CDH4: variants seen among roughly 807,000 people sequenced by gnomAD.
CDH4 encodes cadherin-4.
A neutral mutation model predicts 86.0 loss-of-function variants in CDH4; 33 were observed. The observed-to-expected ratio is 0.38, with a 90% CI of 0.29 to 0.51. The LOEUF (loss-of-function observed/expected upper bound fraction) is 0.51, where lower values mean the gene tolerates loss of function less well. CDH4 is among the 20% of genes least tolerant of loss of function. The pLI, the probability that CDH4 is intolerant of heterozygous loss-of-function variation, is 0.86. For synonymous variants in CDH4, 555 were observed against 549.4 expected, an observed-to-expected ratio of 1.01 and a Z score of -0.14; for missense variants, 1,114 against 1,307.4, an observed-to-expected ratio of 0.85 and a Z score of 2.28.
At chr20:61,890,884 G>A (rs1984790214) in intron 7 of CDH4, among the ~76,000 whole-genome samples, 1 of 152,152 alleles carries the variant, frequency 6.6e-6, no homozygotes, top group Non-Finnish European at 1.5e-5. Flanking sequence ...CACAAAGCTG[G>A]ACAAGACTCA....
chr20:61,822,850 C>T (rs1365638887), intron 4 of CDH4, among the ~76,000 whole-genome samples: 1 of 152,208 alleles, frequency 6.6e-6, no homozygotes, highest in Non-Finnish European at 1.5e-5. Context: ...ACAGGGCATG[C>T]CTTCCTCCCG....
chr20:61,259,476 A>G (rs570344949), intron 2 of CDH4, among the ~76,000 whole-genome samples: 4 of 152,354 alleles, frequency 2.6e-5, no homozygotes, highest in Non-Finnish European at 4.4e-5. Context: ...GTGGCTGTGA[A>G]GTCAGTATTA....
rs1006927781 is a variant in CDH4, at chr20:61,852,500, C to T, written c.733-254C>T. Among the ~76,000 whole-genome samples the T allele has an allele frequency of 1.4e-4, 21 of 152,336 alleles. 1 individual carries two copies. The highest frequency in any genetic ancestry group is 1.2e-3 in the Admixed American group (18 of 15,308). Reference sequence around the variant, plus strand: ...AGGTCCTGGGTGGGCCTGGGCCTGACCATGGGGTGTTGGGGGGTTATGCTG... The same window carrying T: ...AGGTCCTGGGTGGGCCTGGGCCTGATCATGGGGTGTTGGGGGGTTATGCTG... On this transcript the variant is annotated intron_variant, in intron 5 of 15. Transcript: ENST00000614565.
chr20:61,780,621 A>G (rs1210074570), intron 4 of CDH4, among the ~76,000 whole-genome samples: 1 of 152,226 alleles, frequency 6.6e-6, no homozygotes, highest in African/African-American at 2.4e-5. Context: ...AAGGTCTTTT[A>G]GTAATGGTGG....
At chr20:61,743,897 C>A (rs887419112) in intron 3 of CDH4, 108 bp downstream of exon 3, 4 of 827,984 alleles carry the variant, frequency 4.8e-6, no homozygotes, top group Admixed American at 4.2e-5. Context: ...ACAGTCACCT[C>A]CTCCTCGGGC....
intron 2 of CDH4, among the ~76,000 whole-genome samples, chr20:61,300,526 C>T (rs1016261465): frequency 2.0e-5 from 3 of 152,160 alleles, no homozygotes; most frequent in Admixed American, 2.0e-4. Context: ...CCTTGCTCAT[C>T]CCCCGTCTGC....
intron 2 of CDH4, among the ~76,000 whole-genome samples, chr20:61,502,990 A>T (rs947968271): frequency 1.2e-4 from 19 of 152,222 alleles, no homozygotes; most frequent in Admixed American, 2.6e-4. Context: ...GATTATGCCT[A>T]AATGAATATT....
At chr20:61,324,871 CT>C (rs1451743821) in intron 2 of CDH4, among the ~76,000 whole-genome samples, 2 of 152,156 alleles carry the variant, frequency 1.3e-5, no homozygotes, top group Admixed American at 6.5e-5. Context: ...CCCAGGAGAG[CT>C]TTGGGACATG....
At chr20:61,570,582 C>A in intron 2 of CDH4, 1 of 689,818 alleles carries the variant, frequency 1.4e-6, no homozygotes, top group Non-Finnish European at 2.7e-6. Flanking sequence ...TTCCTTTACC[C>A]CATTGCTCTG....
chr20:61,817,579 C>A (rs1601018966), intron 4 of CDH4, among the ~76,000 whole-genome samples: 1 of 152,032 alleles, frequency 6.6e-6, no homozygotes, highest in African/African-American at 2.4e-5. Flanking sequence ...TCCTCCTGGG[C>A]TGCCTGTCCT....
intron 2 of CDH4, among the ~76,000 whole-genome samples, chr20:61,405,915 C>T (rs1240253959): frequency 2.6e-5 from 4 of 152,164 alleles, no homozygotes; most frequent in Non-Finnish European, 4.4e-5. Context: ...CTCCTGACCT[C>T]ATGATCCATC....
At position 61,285,072 on chromosome 20, in the gene CDH4, G is replaced by GTTT. The variant is rs776837492; in HGVS notation, c.169+30145_169+30147dup. Among the ~76,000 whole-genome samples, 953 of 150,604 alleles carry GTTT rather than the reference G, an allele frequency of 6.3e-3. 11 individuals are homozygous for GTTT. Among genetic ancestry groups the GTTT allele is most frequent in the Admixed American group, 0.01 (156 of 15,156 alleles). ...CTCTCTGCTCAGCCCAGCCTTTCCT[G>GTTT]TTTTTTTTTTTTGTTTGTTTGTTTG... On this transcript the variant is annotated intron_variant, in intron 2 of 15. Coordinates refer to ENST00000614565, the MANE Select transcript of CDH4 (RefSeq NM_001794.5).
At chr20:61,904,555 A>C (rs80071039) in intron 8 of CDH4, among the ~76,000 whole-genome samples, 5,386 of 152,194 alleles carry the variant, frequency 0.035, 291 homozygotes, top group African/African-American at 0.12. Context: ...TCCACCCCTT[A>C]GCCCTGGTCA....
chr20:61,408,503 A>G (rs900510055), intron 2 of CDH4, among the ~76,000 whole-genome samples: 3 of 152,182 alleles, frequency 2.0e-5, no homozygotes, highest in Non-Finnish European at 4.4e-5. Context: ...ACACTTGGGC[A>G]CAAATCTAAA....
intron 4 of CDH4, among the ~76,000 whole-genome samples, chr20:61,800,391 C>T (rs1279250167): frequency 6.6e-6 from 1 of 152,214 alleles, no homozygotes; most frequent in African/African-American, 2.4e-5. Context: ...CCATGCCCGC[C>T]GCAGGGCTGA....
At chr20:61,433,710 C>T (rs2085263260) in intron 2 of CDH4, among the ~76,000 whole-genome samples, 1 of 152,172 alleles carries the variant, frequency 6.6e-6, no homozygotes. Flanking sequence ...CCCAGGCTCC[C>T]GTCGGTCCCT....
chr20:61,657,966 T>A (rs550540640), intron 2 of CDH4, among the ~76,000 whole-genome samples: 4 of 152,310 alleles, frequency 2.6e-5, no homozygotes, highest in Non-Finnish European at 4.4e-5. Context: ...TGTCTTGTGG[T>A]TCTGCTTTAT....
chr20:61,881,968 G>A (rs1332857820), intron 7 of CDH4, among the ~76,000 whole-genome samples: 4 of 152,234 alleles, frequency 2.6e-5, no homozygotes, highest in Non-Finnish European at 5.9e-5. Flanking sequence ...CATGGAGACC[G>A]AGGCAGAGAC....
chr20:61,797,855 C>A (rs889336059), intron 4 of CDH4, among the ~76,000 whole-genome samples: 1 of 152,156 alleles, frequency 6.6e-6, no homozygotes, highest in South Asian at 2.1e-4. Flanking sequence ...GAAGCCCAGG[C>A]GGAGAGATCG....
Sources: allele counts gnomAD v4.1 joint callset (sites outside exome capture counted in the v4.1 genomes callset), GRCh38; gene constraint gnomAD v4.1.1; transcripts MANE v1.5; gene names NCBI Gene and HGNC (gene_info 2026-07-23, HGNC 2026-07-21).